The following WAC variants were observed in gnomAD, a reference collection of about 807,000 sequenced individuals.
The protein encoded by WAC is WW domain-containing adapter protein with coiled-coil.
WAC carries 11 observed loss-of-function variants against 79.6 expected under a neutral mutation model. The ratio of observed to expected loss-of-function variants is 0.14; its 90% CI spans 0.09 to 0.23. The LOEUF is 0.23. Among genes scored for constraint, WAC ranks in the 10% least tolerant of loss-of-function variants. The pLI, the probability that WAC is intolerant of heterozygous loss-of-function variation, is 1.00. For missense variants in WAC, 728 were observed against 773.5 expected (o/e 0.94, Z 0.70); for synonymous variants, 304 against 276.9 (o/e 1.10, Z -0.97).
At chr10:28,541,337 C>T (rs377150596) in intron 3 of WAC, among the ~76,000 whole-genome samples, 1 of 148,760 alleles carries the variant, frequency 6.7e-6, no homozygotes, top group Admixed American at 6.8e-5. Flanking sequence ...ATTTGGGATG[C>T]TATACCAGGC....
intron 7 of WAC, among the ~76,000 whole-genome samples, chr10:28,606,924 C>G (rs936622871): frequency 2.0e-5 from 3 of 152,156 alleles, no homozygotes; most frequent in Non-Finnish European, 4.4e-5. Flanking sequence ...TCTCATTACT[C>G]TTTGCCAACA....
At position 28,590,704 on chromosome 10, in the gene WAC, T is replaced by C; in HGVS notation, c.498-16T>C. On this transcript the variant is annotated splice_polypyrimidine_tract_variant and intron_variant, in intron 5 of 13. Coordinates refer to ENST00000354911, the MANE Select transcript of WAC (RefSeq NM_016628.5). ...TAATGTAATTTTTATATGTTTATCTTTTTTTTTATTTTTAGAGAACAGAGA... is the reference window on the plus strand; with the variant it reads ...TAATGTAATTTTTATATGTTTATCTCTTTTTTTATTTTTAGAGAACAGAGA... 1 of 1,559,026 alleles carries C rather than the reference T, an allele frequency of 6.4e-7. No individual in the cohort carries two copies. Among genetic ancestry groups the C allele is most frequent in the Non-Finnish European group, 8.7e-7 (1 of 1,153,930 alleles).
At position 28,534,041 on chromosome 10, in the gene WAC, G is replaced by T; in HGVS notation, c.78+7G>T. 6.3e-7 allele frequency: 1 copy of T among 1,579,440 alleles called. No homozygotes were observed. Among genetic ancestry groups the T allele is most frequent in the Non-Finnish European group, 8.6e-7 (1 of 1,164,750 alleles). On this transcript the variant is annotated splice_region_variant and intron_variant, in intron 2 of 13. Coordinates refer to ENST00000354911, the MANE Select transcript of WAC (RefSeq NM_016628.5). ...GGACTCGCAGCCTTACCAGGTACCA[G>T]CCGAGGCCGGGGTGGAGGGATTGGA...
chr10:28,600,728 A>C (rs1169757389), intron 7 of WAC, among the ~76,000 whole-genome samples: 2 of 152,184 alleles, frequency 1.3e-5, no homozygotes, highest in Non-Finnish European at 2.9e-5. Flanking sequence ...TTGACCACAT[A>C]GACATTTAAA....
chr10:28,546,656 T>G (rs1466743014), intron 3 of WAC, among the ~76,000 whole-genome samples: 2 of 152,178 alleles, frequency 1.3e-5, no homozygotes, highest in African/African-American at 4.8e-5. Flanking sequence ...GAGAGTTCCT[T>G]TTTTATATAG....
chr10:28,564,892 T>G (rs921047596), intron 3 of WAC, among the ~76,000 whole-genome samples: 4 of 152,140 alleles, frequency 2.6e-5, no homozygotes, highest in Non-Finnish European at 5.9e-5. Flanking sequence ...CAGGGTTGGT[T>G]GTTGTTTTTT....
intron 12 of WAC, among the ~76,000 whole-genome samples, chr10:28,617,315 T>C (rs1306761790): frequency 2.0e-5 from 3 of 152,244 alleles, no homozygotes; most frequent in African/African-American, 7.2e-5. Flanking sequence ...TGAATCAATA[T>C]CTAATACCTG....
At chr10:28,596,085 T>G (rs755720193) in intron 7 of WAC, 44 bp downstream of exon 7, 29 of 1,547,136 alleles carry the variant, frequency 1.9e-5, no homozygotes, top group Non-Finnish European at 2.5e-5. Context: ...CTATAGTTTC[T>G]AAGTTTCTTC....
intron 6 of WAC, among the ~76,000 whole-genome samples, chr10:28,595,034 T>C (rs1328767936): frequency 6.6e-6 from 1 of 152,210 alleles, no homozygotes; most frequent in Non-Finnish European, 1.5e-5. Flanking sequence ...TAGTGATAAG[T>C]AGATTGTTCT....
chr10:28,615,427 C>A (rs1841428310), intron 11 of WAC: 1 of 152,174 alleles, frequency 6.6e-6, no homozygotes, highest in Non-Finnish European at 1.5e-5. Context: ...TTGCTCTGAA[C>A]ATTTTTGGGA....
At chr10:28,565,236 G>C (rs538090578) in intron 3 of WAC, among the ~76,000 whole-genome samples, 2 of 152,298 alleles carry the variant, frequency 1.3e-5, no homozygotes, top group East Asian at 1.9e-4. Flanking sequence ...ATCGTTTCCA[G>C]GTTAAGGCTG....
chr10:28,611,418 T>C, intron 9 of WAC: 1 of 1,308,948 alleles, frequency 7.6e-7, no homozygotes, highest in Non-Finnish European at 1.0e-6. Flanking sequence ...GCTAGCCTCA[T>C]GAGCAGGAGA....
At chr10:28,595,631 T>C in intron 6 of WAC, 102 bp from the exon 7 acceptor site, 4 of 1,142,878 alleles carry the variant, frequency 3.5e-6, no homozygotes, top group Non-Finnish European at 4.9e-6. Flanking sequence ...AGTACAAGTA[T>C]GTTGCTAAAT....
At chr10:28,536,292 C>T (rs914469073) in intron 3 of WAC, among the ~76,000 whole-genome samples, 2 of 149,502 alleles carry the variant, frequency 1.3e-5, no homozygotes, top group Non-Finnish European at 3.0e-5. Flanking sequence ...TAAGGGAATG[C>T]ATTTATGAAT....
intron 3 of WAC, among the ~76,000 whole-genome samples, chr10:28,542,501 A>G (rs974519094): frequency 6.6e-5 from 10 of 152,246 alleles, no homozygotes; most frequent in Non-Finnish European, 1.5e-4. Flanking sequence ...TTTTACACGT[A>G]TAAAATGGTT....
chr10:28,571,103 G>T (rs541433967), intron 3 of WAC, among the ~76,000 whole-genome samples: 2 of 151,404 alleles, frequency 1.3e-5, no homozygotes, highest in South Asian at 4.2e-4. Context: ...GACTACAGGC[G>T]CTCGCCACCA....
chr10:28,564,617 G>A (rs1421692366), intron 3 of WAC, among the ~76,000 whole-genome samples: 1 of 152,094 alleles, frequency 6.6e-6, no homozygotes, highest in African/African-American at 2.4e-5. Flanking sequence ...GTTATACTTG[G>A]GTTTAAACCT....
chr10:28,576,183 G>A (rs757611486), intron 3 of WAC, among the ~76,000 whole-genome samples: 1 of 152,096 alleles, frequency 6.6e-6, no homozygotes, highest in Non-Finnish European at 1.5e-5. Context: ...GTATAAAATC[G>A]CCATAGTAAT....
chr10:28,559,605 G>A (rs1438437406), intron 3 of WAC, among the ~76,000 whole-genome samples: 1 of 152,182 alleles, frequency 6.6e-6, no homozygotes, highest in Non-Finnish European at 1.5e-5. Flanking sequence ...GAAACAAGGA[G>A]TGGGCTGATA....
Sources: gnomAD v4.1 joint callset for allele counts (sites outside exome capture counted in the v4.1 genomes callset) on GRCh38, gnomAD v4.1.1 for gene constraint, MANE v1.5 for transcripts, NCBI Gene and HGNC (gene_info 2026-07-23, HGNC 2026-07-21) for gene names.